TMEM232: variants seen among roughly 807,000 people sequenced by gnomAD.
The protein encoded by TMEM232 is transmembrane protein 232.
Under a neutral mutation model 78.8 loss-of-function variants are expected in TMEM232, and 80 were observed. The observed-to-expected ratio is 1.01, with a 90% CI of 0.85 to 1.22. TMEM232 has a LOEUF of 1.22. Ranked by LOEUF, TMEM232 falls within the 50% of genes most tolerant of loss-of-function variation. The pLI, the probability that TMEM232 is intolerant of heterozygous loss-of-function variation, is 0.00. For synonymous variants in TMEM232, 297 were observed against 254.3 expected (o/e 1.17, Z -1.60); for missense variants, 881 against 742.2 (o/e 1.19, Z -2.17).
At chr5:110,409,076 T>C (rs1755896868) in intron 2 of TMEM232, among the ~76,000 whole-genome samples, 1 of 152,228 alleles carries the variant, frequency 6.6e-6, no homozygotes, top group African/African-American at 2.4e-5. Context: ...AACAACATGT[T>C]ACACAGCTTC....
At chr5:110,652,289 C>T (rs866730851) in intron 2 of TMEM232, among the ~76,000 whole-genome samples, 56 of 135,150 alleles carry the variant, frequency 4.1e-4, no homozygotes, top group African/African-American at 1.2e-3. Flanking sequence ...AAAGTGCACG[C>T]GCGCGCACAC....
At chr5:110,393,895 T>A (rs1425291342) in intron 3 of TMEM232, among the ~76,000 whole-genome samples, 1 of 149,648 alleles carries the variant, frequency 6.7e-6, no homozygotes. Flanking sequence ...GAGGCAGAGG[T>A]TGCAGCGGGC....
intron 8 of TMEM232, among the ~76,000 whole-genome samples, chr5:110,611,781 A>G (rs1243532591): frequency 2.0e-5 from 3 of 152,162 alleles, no homozygotes; most frequent in African/African-American, 7.2e-5. Context: ...ACGAACGCAA[A>G]GCAAGGAGAC....
At chr5:110,504,807 T>C (rs989441717) in intron 12 of TMEM232, among the ~76,000 whole-genome samples, 1 of 152,250 alleles carries the variant, frequency 6.6e-6, no homozygotes, top group Non-Finnish European at 1.5e-5. Context: ...CTAATTCAAA[T>C]GTTGATCTCA....
In TMEM232 at chr5:110,475,178, A is replaced by G. The variant is rs370428029; in HGVS notation, c.1704-50262T>C. 1.7e-4 allele frequency among the ~76,000 whole-genome samples: 26 copies of G among 152,096 alleles called. No individual in the cohort carries two copies. The East Asian group carries it at 2.5e-3, about 15-fold the overall frequency. Reference sequence around the variant, plus strand: ...AATAGAGAGTCCAGCAACAGACCCAAATATATACAGTTATGCCAATTCTTG... The same window carrying G: ...AATAGAGAGTCCAGCAACAGACCCAGATATATACAGTTATGCCAATTCTTG... On this transcript the variant is annotated intron_variant, in intron 12 of 13. Coordinates refer to ENST00000455884, the MANE Select transcript of TMEM232 (RefSeq NM_001039763.4).
intron 2 of TMEM232, among the ~76,000 whole-genome samples, chr5:110,661,701 T>C (rs75364001): frequency 0.025 from 3,763 of 152,254 alleles, 147 homozygotes; most frequent in African/African-American, 0.085. Flanking sequence ...CAATTCTATT[T>C]TTGGCTTTCT....
intron 1 of TMEM232, among the ~76,000 whole-genome samples, chr5:110,690,642 A>G (rs531363168): frequency 3.3e-5 from 5 of 152,360 alleles, no homozygotes; most frequent in South Asian, 4.1e-4. Flanking sequence ...CCAAAGGATT[A>G]TAAATCATCC....
intron 10 of TMEM232, among the ~76,000 whole-genome samples, chr5:110,585,229 A>T (rs1197940108): frequency 6.6e-6 from 1 of 152,148 alleles, no homozygotes; most frequent in African/African-American, 2.4e-5. Flanking sequence ...AAGGGAATAA[A>T]CAGAATGGGA....
intron 2 of TMEM232, among the ~76,000 whole-genome samples, chr5:110,651,014 A>C (rs937072746): frequency 1.1e-4 from 17 of 150,236 alleles, no homozygotes; most frequent in Non-Finnish European, 4.4e-5. Context: ...GGGAGGTGAT[A>C]AAAAATCACT....
intron 2 of TMEM232, among the ~76,000 whole-genome samples, chr5:110,649,969 A>G (rs1788068115): frequency 6.6e-6 from 1 of 152,100 alleles, no homozygotes; most frequent in South Asian, 2.1e-4. Context: ...AAATGGAAAA[A>G]TAAATAGAAA....
chr5:110,653,147 T>C (rs1788567935), intron 2 of TMEM232, among the ~76,000 whole-genome samples: 1 of 152,206 alleles, frequency 6.6e-6, no homozygotes, highest in South Asian at 2.1e-4. Context: ...AAGTTCCCAT[T>C]CTGGGAGGGA....
At chr5:110,480,519 A>T (rs1763744018) in intron 12 of TMEM232, among the ~76,000 whole-genome samples, 1 of 152,010 alleles carries the variant, frequency 6.6e-6, no homozygotes. Flanking sequence ...GTTTTTTAAG[A>T]GATTGCTTGA....
intron 12 of TMEM232, among the ~76,000 whole-genome samples, chr5:110,496,686 C>G (rs73784771): frequency 0.029 from 4,366 of 151,956 alleles, 70 homozygotes; most frequent in African/African-American, 0.046. Flanking sequence ...GAAACAGATA[C>G]CATAAAATCA....
chr5:110,468,180 T>C (rs1014656601), intron 12 of TMEM232, among the ~76,000 whole-genome samples: 1 of 151,978 alleles, frequency 6.6e-6, no homozygotes, highest in African/African-American at 2.4e-5. Flanking sequence ...ACAGGAATAA[T>C]GGAACCCAGA....
intron 11 of TMEM232, among the ~76,000 whole-genome samples, chr5:110,555,776 G>T (rs1047703752): frequency 1.3e-5 from 2 of 152,058 alleles, no homozygotes; most frequent in East Asian, 3.9e-4. Context: ...TTTTATCAGT[G>T]TTGGTTTAAA....
intron 11 of TMEM232, among the ~76,000 whole-genome samples, chr5:110,562,306 C>T (rs190541108): frequency 6.6e-6 from 1 of 152,146 alleles, no homozygotes; most frequent in East Asian, 1.9e-4. Flanking sequence ...TCAATCCAAG[C>T]TATTTTCCCA....
chr5:110,523,683 C>G (rs192988051), intron 12 of TMEM232, among the ~76,000 whole-genome samples: 2 of 151,856 alleles, frequency 1.3e-5, no homozygotes, highest in South Asian at 4.2e-4. Flanking sequence ...CCTGGAATGG[C>G]GAATCATGCT....
chr5:110,611,511 T>C (rs1308157970), intron 8 of TMEM232, among the ~76,000 whole-genome samples: 2 of 152,142 alleles, frequency 1.3e-5, no homozygotes, highest in Non-Finnish European at 2.9e-5. Context: ...GGGCACTAAC[T>C]GTTTCCCTCC....
At chr5:110,733,463 T>C (rs1798871323) in intron 2 of TMEM232, among the ~76,000 whole-genome samples, 1 of 151,978 alleles carries the variant, frequency 6.6e-6, no homozygotes, top group Admixed American at 6.6e-5. Context: ...TCACTGCCCA[T>C]AAATATGGTA....
Sources: allele counts gnomAD v4.1 joint callset (sites outside exome capture counted in the v4.1 genomes callset), GRCh38; gene constraint gnomAD v4.1.1; transcripts MANE v1.5; gene names NCBI Gene and HGNC (gene_info 2026-07-23, HGNC 2026-07-21).